Variants in CYTH3 observed in about 807,000 individuals in gnomAD.
CYTH3 encodes the protein cytohesin 3, also known as cytohesin-3.
Under a neutral mutation model 55.1 loss-of-function variants are expected in CYTH3, and 23 were observed. The observed-to-expected ratio is 0.42, with a 90% CI of 0.30 to 0.59. The LOEUF is 0.59. CYTH3 is among the 20% of genes least tolerant of loss of function. The probability of loss-of-function intolerance (pLI) is 0.20; values close to 1 mark genes in which losing one functional copy is unlikely to be tolerated. For synonymous variants in CYTH3, 249 were observed against 194.9 expected, an observed-to-expected ratio of 1.28 and a Z score of -2.31; for missense variants, 413 against 524.8, an observed-to-expected ratio of 0.79 and a Z score of 2.08.
intron 9 of CYTH3, 27 bp from the exon 10 acceptor site, chr7:6,165,837 T>C: frequency 6.2e-7 from 1 of 1,612,910 alleles, no homozygotes; most frequent in Non-Finnish European, 8.5e-7. Context: ...CCCGTGAGTC[T>C]GCGCTCCGTG....
At position 6,161,833 on chromosome 7, in the gene CYTH3, G is replaced by C. The variant is rs1246989490; in HGVS notation, c.*3111C>G. 1.3e-5 allele frequency: 2 copies of C among 152,480 alleles called. No homozygotes were observed. The highest frequency in any genetic ancestry group is 2.9e-5 in the Non-Finnish European group (2 of 68,032). 9.4% of individuals were successfully genotyped at this position (152,480 alleles called of 1,614,324 possible). A position where few individuals can be genotyped will look rare whatever the true frequency, so the allele number is the denominator to read the frequency against. ...TGAACACAGTATCTGCAAGAGCTCT[G>C]ACAGCCATCCACCCTCCAATCTTAC... On this transcript the variant is annotated 3_prime_UTR_variant, in exon 13 of 13. Transcript: ENST00000350796.
chr7:6,180,170 G>GGCT, intron 4 of CYTH3, among the ~76,000 whole-genome samples: 3 of 152,302 alleles, frequency 2.0e-5, no homozygotes, highest in Admixed American at 2.0e-4. Context: ...GGGGCTACAG[G>GGCT]GCTGGGGGCC....
rs1780283849 is a variant in CYTH3 at position 6,259,800 on chromosome 7, T to TATATATATA, written c.34+12665_34+12673dup. On this transcript the variant is annotated intron_variant, in intron 1 of 12. Coordinates refer to ENST00000350796, the MANE Select transcript of CYTH3 (RefSeq NM_004227.4). ...TATATATATAATATATATATATATA[T>TATATATATA]ATATATATATATAATATATATATAT... 1.6e-4 allele frequency among the ~76,000 whole-genome samples: 4 copies of TATATATATA among 25,512 alleles called. No individual in the cohort carries two copies. The African/African-American group carries it at 1.9e-3, about 12-fold the overall frequency. 16.7% of individuals were successfully genotyped at this position (25,512 alleles called of 152,430 possible).
rs552555115 is a variant in CYTH3 at position 6,235,553 on chromosome 7, C to T, written c.34+36921G>A. On this transcript the variant is annotated intron_variant, in intron 1 of 12. Coordinates refer to ENST00000350796, the MANE Select transcript of CYTH3 (RefSeq NM_004227.4). ...GCCAGTTATTTCCACAGCATCCTCA[C>T]GAAGCTCCCTAAGAGCGGCCCCTAG... 3.3e-4 allele frequency among the ~76,000 whole-genome samples: 50 copies of T among 152,150 alleles called. 1 individual carries two copies. The highest frequency in any genetic ancestry group is 6.8e-4 in the Non-Finnish European group (46 of 67,998).
chr7:6,192,059 C>CT (rs1472814054), intron 1 of CYTH3, among the ~76,000 whole-genome samples: 1 of 152,028 alleles, frequency 6.6e-6, no homozygotes, highest in African/African-American at 2.4e-5. Flanking sequence ...GACTGTGCCA[C>CT]TGCACTCCAG....
chr7:6,260,164 T>G (rs1249477030), intron 1 of CYTH3, among the ~76,000 whole-genome samples: 1 of 151,950 alleles, frequency 6.6e-6, no homozygotes, highest in Non-Finnish European at 1.5e-5. Flanking sequence ...TTTAGGGTAC[T>G]TTGACAAAAC....
chr7:6,217,050 T>G (rs1373208710), intron 1 of CYTH3, among the ~76,000 whole-genome samples: 1 of 152,144 alleles, frequency 6.6e-6, no homozygotes, highest in Middle Eastern at 3.4e-3. Context: ...GTAGCTGGGA[T>G]TACAGGCGTG....
intron 1 of CYTH3, among the ~76,000 whole-genome samples, chr7:6,241,059 T>C (rs376406560): frequency 3.4e-4 from 51 of 151,002 alleles, no homozygotes; most frequent in African/African-American, 1.2e-3. Context: ...GAGGCGGAGG[T>C]TGCAGTGAGC....
At chr7:6,185,958 G>C (rs928019131) in intron 4 of CYTH3, among the ~76,000 whole-genome samples, 2 of 151,816 alleles carry the variant, frequency 1.3e-5, no homozygotes, top group Non-Finnish European at 2.9e-5. Flanking sequence ...AGTACAGACC[G>C]ACTGGGCCAG....
In CYTH3 at chr7:6,252,260, A is replaced by T. The variant is rs185925856; in HGVS notation, c.34+20214T>A. On this transcript the variant is annotated intron_variant, in intron 1 of 12. Coordinates refer to ENST00000350796, the MANE Select transcript of CYTH3 (RefSeq NM_004227.4). ...TCTCTATACCAGCATGAACATGAAC[A>T]GTATTTTGAAGAATCTTTGCCCTAT... Among the ~76,000 whole-genome samples the T allele has an allele frequency of 6.6e-5, 10 of 152,342 alleles. No homozygotes were observed. In the East Asian group the frequency reaches 1.9e-3, roughly 29 times the overall value.
chr7:6,201,745 G>A (rs13222985), intron 1 of CYTH3, among the ~76,000 whole-genome samples: 2 of 152,162 alleles, frequency 1.3e-5, no homozygotes, highest in Non-Finnish European at 1.5e-5. Flanking sequence ...CAAGTTCTTA[G>A]GGTTCGAAGG....
chr7:6,228,896 G>T (rs899557274), intron 1 of CYTH3, among the ~76,000 whole-genome samples: 15 of 152,158 alleles, frequency 9.9e-5, no homozygotes, highest in Admixed American at 3.9e-4. Flanking sequence ...TTGGTAATTA[G>T]TGAGTTATTG....
chr7:6,236,123 G>A (rs1379848302), intron 1 of CYTH3, among the ~76,000 whole-genome samples: 1 of 152,142 alleles, frequency 6.6e-6, no homozygotes, highest in African/African-American at 2.4e-5. Flanking sequence ...GACAGCTGCG[G>A]AATCTTAAAC....
Position 6,177,851 on chromosome 7 carries a change from T to C in CYTH3, c.340A>G (p.Thr114Ala). 1 of 1,614,062 alleles carries C rather than the reference T, an allele frequency of 6.2e-7. No individual in the cohort carries two copies. Among genetic ancestry groups the C allele is most frequent in the Non-Finnish European group, 8.5e-7 (1 of 1,179,936 alleles). The change falls in exon 5 of 13, where the codon ACC (threonine) becomes GCC (alanine). Residue 114 changes from threonine to alanine, a missense_variant. By Grantham distance (58) the Thr-to-Ala change is moderately conservative. Around this residue, in one of 4 missense-constraint regions of CYTH3, gnomAD observed 152 missense variants for 148.1 expected, o/e 1.03. Coordinates refer to ENST00000350796, the MANE Select transcript of CYTH3 (RefSeq NM_004227.4). Reference protein sequence around the residue: ...FLYKGEGLNKTVIGDYLGERD... With the variant: ...FLYKGEGLNKAVIGDYLGERD... ...TCACCCAGGTAGTCCCCAATGACGGTCTTATTTAGGCCTTCTCCTTTATAA... is the reference window on the plus strand; with the variant it reads ...TCACCCAGGTAGTCCCCAATGACGGCCTTATTTAGGCCTTCTCCTTTATAA...
At chr7:6,222,565 T>G (rs780609383) in intron 1 of CYTH3, among the ~76,000 whole-genome samples, 2 of 151,966 alleles carry the variant, frequency 1.3e-5, no homozygotes, top group Admixed American at 6.6e-5. Flanking sequence ...GTTAATACAG[T>G]GAAACCCCGT....
At chr7:6,250,568 T>G (rs1319079324) in intron 1 of CYTH3, among the ~76,000 whole-genome samples, 1 of 152,162 alleles carries the variant, frequency 6.6e-6, no homozygotes, top group Non-Finnish European at 1.5e-5. Context: ...ACAACATGGA[T>G]GAACCTGCTG....
At position 6,170,443 on chromosome 7, in the gene CYTH3, G is replaced by A. The variant is rs910400700; in HGVS notation, c.823+92C>T. Reference sequence around the variant, plus strand: ...TTTTAACGTCTCTGCCTGCGGTGGGGGGCATTCCTACGATGAGCCTGGGAG... The same window carrying A: ...TTTTAACGTCTCTGCCTGCGGTGGGAGGCATTCCTACGATGAGCCTGGGAG... On this transcript the variant is annotated intron_variant, in intron 9 of 12. Coordinates refer to ENST00000350796, the MANE Select transcript of CYTH3 (RefSeq NM_004227.4). This position sits in a 1 kb window ranked among gnomAD's most constrained non-coding sequence, Gnocchi z 7.8. 179 of 1,164,698 alleles carry A rather than the reference G, an allele frequency of 1.5e-4. 1 individual carries two copies. The highest frequency in any genetic ancestry group is 5.2e-5 in the Non-Finnish European group (42 of 812,618). 72.1% of individuals were successfully genotyped at this position (1,164,698 alleles called of 1,614,324 possible).
At chr7:6,201,757 G>A (rs578146562) in intron 1 of CYTH3, among the ~76,000 whole-genome samples, 2 of 152,162 alleles carry the variant, frequency 1.3e-5, no homozygotes, top group Non-Finnish European at 1.5e-5. Context: ...GTTCGAAGGC[G>A]GAGCGGATAG....
At chr7:6,182,894 T>C (rs905638116) in intron 4 of CYTH3, among the ~76,000 whole-genome samples, 1 of 152,204 alleles carries the variant, frequency 6.6e-6, no homozygotes, top group African/African-American at 2.4e-5. Context: ...GCTGGTTTCC[T>C]CAAACGCTTG....
Sources: gnomAD v4.1 joint callset for allele counts (sites outside exome capture counted in the v4.1 genomes callset) on GRCh38, gnomAD v4.1.1 for gene constraint, gnomAD v4.1.1 regional missense constraint, Gnocchi (gnomAD v3.1) non-coding constraint, MANE v1.5 for transcripts, NCBI Gene and HGNC (gene_info 2026-07-23, HGNC 2026-07-21) for gene names.